The following HIF1A variants were observed in gnomAD, a reference collection of about 807,000 sequenced individuals.
HIF1A encodes hypoxia inducible factor 1 subunit alpha.
HIF1A carries 24 observed loss-of-function variants against 92.7 expected under a neutral mutation model. The ratio of observed to expected loss-of-function variants is 0.26; its 90% confidence interval spans 0.19 to 0.36. The LOEUF (loss-of-function observed/expected upper bound fraction) is 0.36, where lower values mean the gene tolerates loss of function less well. Ranked by LOEUF, HIF1A falls within the 10% of genes least tolerant of loss-of-function variation. The probability of loss-of-function intolerance (pLI) is 1.00; values close to 1 mark genes in which losing one functional copy is unlikely to be tolerated. For synonymous variants in HIF1A, 319 were observed against 338.7 expected, an observed-to-expected ratio of 0.94 and a Z score of 0.64; for missense variants, 799 against 998.5, an observed-to-expected ratio of 0.80 and a Z score of 2.69.
intron 9 of HIF1A, 46 bp downstream of exon 9, chr14:61,737,155 C>T (rs747524108): frequency 3.0e-6 from 4 of 1,341,090 alleles, no homozygotes; most frequent in South Asian, 2.4e-5. Flanking sequence ...TCTGTTGCTA[C>T]AAGCCCCATT....
chr14:61,726,321 C>G (rs2044503424), intron 4 of HIF1A: 1 of 154,228 alleles, frequency 6.5e-6, no homozygotes, highest in South Asian at 2.0e-4. Flanking sequence ...AGAAATTGAG[C>G]TAACACATTC....
chr14:61,721,744 A>G lies in HIF1A; in HGVS notation c.378A>G (p.Glu126=). Residue 126 remains glutamate, a synonymous_variant, in exon 4 of 15, where the codon GAA becomes GAG. Transcript: ENST00000337138. ...VNKYMGLTQF[E]LTGHSVFDFT... ...TTTTAAAAATGTGTTTACAGTTTGA[A>G]CTAACTGGACACAGTGTGTTTGATT... 6.2e-7 allele frequency: 1 copy of G among 1,613,128 alleles called. No individual in the cohort carries two copies. Among genetic ancestry groups the G allele is most frequent in the Non-Finnish European group, 8.5e-7 (1 of 1,179,318 alleles).
intron 6 of HIF1A, among the ~76,000 whole-genome samples, chr14:61,728,425 T>G (rs1197057443): frequency 1.3e-5 from 2 of 152,248 alleles, no homozygotes; most frequent in Non-Finnish European, 2.9e-5. Flanking sequence ...CAACTTAATA[T>G]TTCTATCTGG....
intron 4 of HIF1A, among the ~76,000 whole-genome samples, chr14:61,725,239 G>A (rs138638891): frequency 7.2e-4 from 109 of 152,148 alleles, no homozygotes; most frequent in African/African-American, 2.6e-3. Flanking sequence ...TTGTGTTTTT[G>A]TTGACCTTAC....
chr14:61,741,718 A>T (rs975023116), intron 12 of HIF1A, among the ~76,000 whole-genome samples: 6 of 152,164 alleles, frequency 3.9e-5, no homozygotes, highest in Admixed American at 3.9e-4. Flanking sequence ...ATCTAAATGG[A>T]GGAGGGTCTT....
At chr14:61,745,188 G>A (rs2044763749) in intron 13 of HIF1A, among the ~76,000 whole-genome samples, 1 of 152,158 alleles carries the variant, frequency 6.6e-6, no homozygotes, top group Admixed American at 6.5e-5. Context: ...ACTTTGGGAG[G>A]CCAAGATGAG....
intron 1 of HIF1A, among the ~76,000 whole-genome samples, chr14:61,705,006 A>G (rs1475694488): frequency 6.6e-6 from 1 of 152,124 alleles, no homozygotes; most frequent in Non-Finnish European, 1.5e-5. Context: ...CCACAGGCGC[A>G]TTGGCCAGTC....
intron 1 of HIF1A, among the ~76,000 whole-genome samples, chr14:61,711,230 T>G (rs1165668764): frequency 1.0e-5 from 1 of 96,690 alleles, no homozygotes; most frequent in East Asian, 3.7e-4. Flanking sequence ...TTTTTTTTTT[T>G]GAGACAGTGT....
At chr14:61,697,822 TC>T (rs1414983542) in intron 1 of HIF1A, 5 of 1,495,486 alleles carry the variant, frequency 3.3e-6, no homozygotes, top group Non-Finnish European at 4.4e-6. Flanking sequence ...ACGGAGATTT[TC>T]TTCAAGCAAT....
intron 10 of HIF1A, among the ~76,000 whole-genome samples, chr14:61,739,801 A>T (rs1342866160): frequency 6.6e-6 from 1 of 152,268 alleles, no homozygotes; most frequent in East Asian, 1.9e-4. Flanking sequence ...CGACAGTAAC[A>T]GTGAGATTTT....
At chr14:61,731,182 C>T (rs548684780) in intron 6 of HIF1A, among the ~76,000 whole-genome samples, 1 of 151,730 alleles carries the variant, frequency 6.6e-6, no homozygotes, top group Admixed American at 6.6e-5. Flanking sequence ...TTTTTTGACA[C>T]ACAGCATGTT....
At chr14:61,724,378 T>TCTCTCTCTCTCTCA (rs1470158587) in intron 4 of HIF1A, among the ~76,000 whole-genome samples, 1 of 149,562 alleles carries the variant, frequency 6.7e-6, no homozygotes, top group Non-Finnish European at 1.5e-5. Context: ...TCTCTCTCTC[T>TCTCTCTCTCTCTCA]CTCCCCCTCC....
Position 61,738,347 on chromosome 14 carries a change from G to A in HIF1A, c.1510G>A (p.Gly504Arg), listed in dbSNP as rs2044664725. 6.2e-7 allele frequency: 1 copy of A among 1,610,360 alleles called. No homozygotes were observed. Among genetic ancestry groups the A allele is most frequent in the Admixed American group, 1.7e-5 (1 of 59,392 alleles). ...IQDQTPSPSD[G>R]STRQSSPEPN... ...GGATCAGACACCTAGTCCTTCCGAT[G>A]GAAGCACTAGACAAAGTTCACCTGA... The change falls in exon 10 of 15, where the codon GGA (glycine) becomes AGA (arginine). Residue 504 changes from glycine to arginine, a missense_variant. Around this residue, in one of 2 missense-constraint regions of HIF1A, gnomAD observed 516 missense variants for 721.0 expected, o/e 0.72. Transcript: ENST00000337138.
chr14:61,722,086 CTTTT>C (rs5809118), intron 4 of HIF1A, among the ~76,000 whole-genome samples: 1 of 143,488 alleles, frequency 7.0e-6, no homozygotes, highest in Non-Finnish European at 1.5e-5. Context: ...TTACAAATAA[CTTTT>C]TTTTTTTTTT....
intron 1 of HIF1A, among the ~76,000 whole-genome samples, chr14:61,714,997 G>A (rs968170584): frequency 1.3e-5 from 2 of 152,042 alleles, no homozygotes; most frequent in African/African-American, 4.8e-5. Context: ...TCGCGCCATT[G>A]CACTCCAGTC....
Position 61,745,641 on chromosome 14 carries a change from TA to T in HIF1A, c.2203-40del, listed in dbSNP as rs753838832. The T allele has an allele frequency of 1.1e-3, 1,632 of 1,424,102 alleles. 2 individuals carry two copies. The highest frequency in any genetic ancestry group is 2.6e-3 in the South Asian group (208 of 79,536). 88.2% of individuals were successfully genotyped at this position (1,424,102 alleles called of 1,614,324 possible). ...ACCAATTTCAAGGTTTTTGGTTGTTTAAAAAAAAAATTCAACAAACTAAACT... is the reference window on the plus strand; with the variant it reads ...ACCAATTTCAAGGTTTTTGGTTGTTTAAAAAAAAATTCAACAAACTAAACT... On this transcript the variant is annotated intron_variant, in intron 13 of 14. Coordinates refer to ENST00000337138, the MANE Select transcript of HIF1A (RefSeq NM_001530.4).
intron 13 of HIF1A, chr14:61,745,447 T>C: frequency 2.1e-6 from 1 of 476,066 alleles, no homozygotes; most frequent in Non-Finnish European, 3.8e-6. Context: ...ACTGCTATGT[T>C]TTGGGGTAAG....
intron 12 of HIF1A, among the ~76,000 whole-genome samples, chr14:61,741,491 G>T (rs562448569): frequency 6.6e-6 from 1 of 151,120 alleles, no homozygotes; most frequent in South Asian, 2.1e-4. Context: ...TCAGCCTCCC[G>T]AGTAGCTGGG....
intron 1 of HIF1A, among the ~76,000 whole-genome samples, chr14:61,707,807 T>C (rs950709332): frequency 6.6e-6 from 1 of 151,424 alleles, no homozygotes; most frequent in Non-Finnish European, 1.5e-5. Flanking sequence ...TTTATAATCC[T>C]TTGGGTATAT....
Sources: gnomAD v4.1 joint callset for allele counts (sites outside exome capture counted in the v4.1 genomes callset) on GRCh38, gnomAD v4.1.1 for gene constraint, gnomAD v4.1.1 regional missense constraint, MANE v1.5 for transcripts, NCBI Gene and HGNC (gene_info 2026-07-23, HGNC 2026-07-21) for gene names.